The following STRN variants were observed in gnomAD, a reference collection of about 807,000 sequenced individuals.
STRN encodes the protein protein phosphatase 2 regulatory subunit B'''alpha.
STRN carries 53 observed loss-of-function variants against 96.3 expected under a neutral mutation model. The observed-to-expected ratio is 0.55, with a 90% CI of 0.44 to 0.69. The LOEUF (loss-of-function observed/expected upper bound fraction) is 0.69. Ranked by LOEUF, STRN falls within the 30% of genes least tolerant of loss-of-function variation. The probability of loss-of-function intolerance (pLI) is 0.00; values close to 1 mark genes in which losing one functional copy is unlikely to be tolerated. For missense variants in STRN, 987 were observed against 963.9 expected (o/e 1.02, Z -0.32); for synonymous variants, 428 against 355.9 (o/e 1.20, Z -2.28).
At chr2:36,897,772 C>T (rs1230033209) in intron 6 of STRN, among the ~76,000 whole-genome samples, 2 of 152,104 alleles carry the variant, frequency 1.3e-5, no homozygotes, top group African/African-American at 4.8e-5. Context: ...GTAGCATGAT[C>T]ATGGCTCACT....
chr2:36,925,001 A>C, intron 2 of STRN, 104 bp downstream of exon 2: 1 of 983,542 alleles, frequency 1.0e-6, no homozygotes, highest in Non-Finnish European at 1.6e-6. Context: ...GGTCGCGGTG[A>C]GCCAAGATCG....
intron 1 of STRN, among the ~76,000 whole-genome samples, chr2:36,965,398 A>C (rs140521043): frequency 3.9e-5 from 6 of 152,228 alleles, no homozygotes; most frequent in Non-Finnish European, 5.9e-5. Flanking sequence ...GCCCACAGTT[A>C]TCTCCTCCCT....
chr2:36,873,987 G>A (rs934862746), intron 10 of STRN, among the ~76,000 whole-genome samples: 3 of 151,474 alleles, frequency 2.0e-5, no homozygotes, highest in African/African-American at 7.3e-5. Context: ...CAGATGCTGT[G>A]GCTCACACCT....
At chr2:36,909,364 G>A (rs1432909464) in intron 3 of STRN, among the ~76,000 whole-genome samples, 3 of 151,808 alleles carry the variant, frequency 2.0e-5, no homozygotes, top group Admixed American at 6.6e-5. Flanking sequence ...TGAATTTCTC[G>A]GTAATATCGA....
chr2:36,865,551 G>T lies in STRN; in HGVS notation c.1547+2263C>A, dbSNP rs1437254778. 2.6e-5 allele frequency among the ~76,000 whole-genome samples: 4 copies of T among 151,988 alleles called. No individual in the cohort carries two copies. The East Asian group carries it at 7.8e-4, about 29-fold the overall frequency. The stretch of plus-strand genomic sequence containing the variant: ...GTTTTTCTCTTGTGTGTGATGTTAA[G>T]TTGTTAATTTGAGATCTAACTTTTT... On this transcript the variant is annotated intron_variant, in intron 12 of 17. Coordinates refer to ENST00000263918, the MANE Select transcript of STRN (RefSeq NM_003162.4).
intron 1 of STRN, among the ~76,000 whole-genome samples, chr2:36,956,287 T>G (rs1294786923): frequency 6.6e-6 from 1 of 152,236 alleles, no homozygotes. Flanking sequence ...TCACATATTT[T>G]GCATATTTAT....
intron 5 of STRN, among the ~76,000 whole-genome samples, chr2:36,902,104 T>G (rs1250598947): frequency 6.6e-6 from 1 of 152,204 alleles, no homozygotes; most frequent in Non-Finnish European, 1.5e-5. Flanking sequence ...AAATAGCTAC[T>G]GAATTGTTCA....
chr2:36,888,455 G>C (rs1161196374), intron 7 of STRN, among the ~76,000 whole-genome samples: 2 of 152,026 alleles, frequency 1.3e-5, no homozygotes, highest in Non-Finnish European at 1.5e-5. Context: ...AGCCACTCTG[G>C]CTCCCTTAAA....
At chr2:36,852,053 T>A (rs17442690) in intron 15 of STRN, among the ~76,000 whole-genome samples, 5,724 of 152,274 alleles carry the variant, frequency 0.038, 156 homozygotes, top group East Asian at 0.13. Context: ...CAGAAAAAGT[T>A]GTGACTCCTC....
intron 6 of STRN, among the ~76,000 whole-genome samples, chr2:36,897,447 T>A (rs112411686): frequency 0.013 from 2,022 of 150,512 alleles, 61 homozygotes; most frequent in African/African-American, 0.047. Context: ...ATATATATAT[T>A]TTTTTTTTGA....
chr2:36,948,424 C>A (rs1664662491), intron 1 of STRN, among the ~76,000 whole-genome samples: 1 of 152,022 alleles, frequency 6.6e-6, no homozygotes. Context: ...TCAGATCAGC[C>A]AAAAGGTATC....
Position 36,848,752 on chromosome 2 carries a change from A to G in STRN, c.*704T>C, listed in dbSNP as rs1668144143. 1 of 152,432 alleles carries G rather than the reference A, an allele frequency of 6.6e-6. No homozygotes were observed. Among genetic ancestry groups the G allele is most frequent in the African/African-American group, 2.4e-5 (1 of 41,456 alleles). 9.4% of individuals were successfully genotyped at this position (152,432 alleles called of 1,614,324 possible). A position where few individuals can be genotyped will look rare whatever the true frequency, so the allele number is the denominator to read the frequency against. ...TCACAATGGTGAGTGCTTGATAGCT[A>G]AACTTTAGAATGATACCAAATCTGT... On this transcript the variant is annotated 3_prime_UTR_variant, in exon 18 of 18. Transcript: ENST00000263918.
At chr2:36,961,977 G>A (rs1022489046) in intron 1 of STRN, among the ~76,000 whole-genome samples, 1 of 152,070 alleles carries the variant, frequency 6.6e-6, no homozygotes, top group Non-Finnish European at 1.5e-5. Flanking sequence ...GTCTTAGCTC[G>A]AATGGCATCT....
At chr2:36,959,812 C>A (rs1664984275) in intron 1 of STRN, among the ~76,000 whole-genome samples, 1 of 152,096 alleles carries the variant, frequency 6.6e-6, no homozygotes, top group Non-Finnish European at 1.5e-5. Context: ...TCAATCCTTG[C>A]TGTATACTGG....
rs1666670278 is a variant in STRN, at chr2:36,884,000, G to C, written c.1118C>G (p.Ser373Cys). The change falls in exon 9 of 18, where the codon TCT becomes TGT. Residue 373 changes from serine (S) to cysteine (C), a missense_variant. Ser to Cys is a moderately radical substitution (Grantham distance 112). Coordinates refer to ENST00000263918, the MANE Select transcript of STRN (RefSeq NM_003162.4). ...DVDELPSLQP[S>C]VGSPSRPSSS... Reference sequence around the variant, plus strand: ...GCTGGGTCTGGAAGGTGAACCCACAGATGGCTGCAATGAAGGAAGTTCATC... The same window carrying C: ...GCTGGGTCTGGAAGGTGAACCCACACATGGCTGCAATGAAGGAAGTTCATC... 6.9e-7 allele frequency: 1 copy of C among 1,444,894 alleles called. No individual in the cohort carries two copies. The highest frequency in any genetic ancestry group is 2.3e-5 in the Admixed American group (1 of 43,832). The allele number at this position is 1,444,894 out of a possible 1,614,324, so 89.5% of individuals were successfully genotyped here.
intron 2 of STRN, among the ~76,000 whole-genome samples, chr2:36,917,985 A>G (rs1399924598): frequency 6.6e-6 from 1 of 152,200 alleles, no homozygotes; most frequent in Admixed American, 6.5e-5. Context: ...ATAATACGTA[A>G]GATATCAGTT....
At chr2:36,957,054 C>G (rs1664905713) in intron 1 of STRN, among the ~76,000 whole-genome samples, 1 of 152,136 alleles carries the variant, frequency 6.6e-6, no homozygotes, top group Non-Finnish European at 1.5e-5. Context: ...CATTTTTGCC[C>G]TTAGGATATT....
chr2:36,849,901 T>C (rs1346472123), intron 16 of STRN, 101 bp from the exon 17 acceptor site: 1 of 1,082,952 alleles, frequency 9.2e-7, no homozygotes, highest in Non-Finnish European at 1.4e-6. Context: ...TCCCTCTCTG[T>C]GTGCTTACTG....
At chr2:36,874,776 G>GT (rs1668859302) in intron 10 of STRN, among the ~76,000 whole-genome samples, 1 of 137,158 alleles carries the variant, frequency 7.3e-6, no homozygotes, top group Admixed American at 7.3e-5. Flanking sequence ...CGCAATAACA[G>GT]TTGACCCACT....
Sources: allele counts gnomAD v4.1 joint callset (sites outside exome capture counted in the v4.1 genomes callset), GRCh38; gene constraint gnomAD v4.1.1; transcripts MANE v1.5; gene names NCBI Gene and HGNC (gene_info 2026-07-23, HGNC 2026-07-21).